The following LMCD1 variants were observed in gnomAD, a reference collection of about 807,000 sequenced individuals.
The protein encoded by LMCD1 is LIM and cysteine-rich domains protein 1.
LMCD1 carries 32 observed loss-of-function variants against 42.7 expected under a neutral mutation model. The observed-to-expected ratio is 0.75, with a 90% CI of 0.57 to 1.01. The LOEUF (loss-of-function observed/expected upper bound fraction) is 1.01, where lower values mean the gene tolerates loss of function less well. Ranked by LOEUF, LMCD1 falls within the 50% of genes least tolerant of loss-of-function variation. The pLI is 0.00. For synonymous variants in LMCD1, 178 were observed against 184.9 expected, an observed-to-expected ratio of 0.96 and a Z score of 0.30; for missense variants, 458 against 483.1, an observed-to-expected ratio of 0.95 and a Z score of 0.49.
intron 5 of LMCD1, among the ~76,000 whole-genome samples, chr3:8,565,969 A>G (rs776214288): frequency 3.3e-5 from 5 of 152,168 alleles, no homozygotes; most frequent in Non-Finnish European, 5.9e-5. Context: ...TGCATCTCTT[A>G]TTATTATTAT....
chr3:8,510,134 A>G (rs1013195217), intron 1 of LMCD1, among the ~76,000 whole-genome samples: 1 of 152,226 alleles, frequency 6.6e-6, no homozygotes, highest in Non-Finnish European at 1.5e-5. Flanking sequence ...TTTGGGCTGT[A>G]TGACTCAGTG....
At position 8,550,771 on chromosome 3, in the gene LMCD1, T is replaced by G. The variant is rs183944402; in HGVS notation, c.723+1868T>G. 8 of 985,240 alleles carry G rather than the reference T, an allele frequency of 8.1e-6. No homozygotes were observed. The African/African-American group carries it at 1.4e-4, about 17-fold the overall frequency. The allele number at this position is 985,240 out of a possible 1,614,324, so 61.0% of individuals were successfully genotyped here. ...ATCCTGGCTTCTGTCCACCCTCAAATAGCTGTTTGTTCATAAACCCTAAAT... is the reference window on the plus strand; with the variant it reads ...ATCCTGGCTTCTGTCCACCCTCAAAGAGCTGTTTGTTCATAAACCCTAAAT... On this transcript the variant is annotated intron_variant, in intron 4 of 5. Transcript: ENST00000157600.
At chr3:8,542,281 C>T (rs1281484925) in intron 3 of LMCD1, among the ~76,000 whole-genome samples, 6 of 152,116 alleles carry the variant, frequency 3.9e-5, no homozygotes, top group African/African-American at 1.4e-4. Context: ...GGATTACAGG[C>T]ATGAACCACC....
At chr3:8,514,091 T>A (rs1694052760) in intron 1 of LMCD1, among the ~76,000 whole-genome samples, 1 of 152,036 alleles carries the variant, frequency 6.6e-6, no homozygotes. Flanking sequence ...TATAGATAGA[T>A]GATTGATAGA....
chr3:8,563,027 C>G (rs1395084666), intron 4 of LMCD1, among the ~76,000 whole-genome samples: 2 of 152,214 alleles, frequency 1.3e-5, no homozygotes, highest in African/African-American at 2.4e-5. Context: ...GCATCATCTG[C>G]TAGTGTCTTC....
chr3:8,543,963 C>T (rs954299216), intron 3 of LMCD1, among the ~76,000 whole-genome samples: 2 of 152,174 alleles, frequency 1.3e-5, no homozygotes, highest in African/African-American at 2.4e-5. Flanking sequence ...ACCAGATACC[C>T]CAGTCTCCTA....
intron 3 of LMCD1, among the ~76,000 whole-genome samples, chr3:8,540,950 T>C (rs1302647553): frequency 1.3e-5 from 2 of 152,138 alleles, no homozygotes; most frequent in African/African-American, 4.8e-5. Flanking sequence ...ATTGACTTCT[T>C]ATCGGCCCTC....
chr3:8,554,156 C>T (rs1440690360), intron 4 of LMCD1, among the ~76,000 whole-genome samples: 7 of 152,296 alleles, frequency 4.6e-5, no homozygotes, highest in African/African-American at 1.2e-4. Context: ...ACCATCCTCC[C>T]GCCTCAACCT....
At chr3:8,533,667 A>G (rs1694457051) in intron 2 of LMCD1, among the ~76,000 whole-genome samples, 1 of 152,186 alleles carries the variant, frequency 6.6e-6, no homozygotes. Context: ...TATGAACTGA[A>G]TGAAATCTTT....
intron 3 of LMCD1, among the ~76,000 whole-genome samples, chr3:8,543,860 T>C (rs1443872509): frequency 2.6e-5 from 4 of 152,248 alleles, no homozygotes; most frequent in East Asian, 3.9e-4. Context: ...GTGATTCTTA[T>C]GCACCCTAAA....
chr3:8,521,327 G>C (rs1349383925), intron 1 of LMCD1, among the ~76,000 whole-genome samples: 1 of 152,172 alleles, frequency 6.6e-6, no homozygotes, highest in Non-Finnish European at 1.5e-5. Flanking sequence ...CACAGATCCA[G>C]TCACCCAGCA....
chr3:8,513,398 C>G (rs1000586507), intron 1 of LMCD1, among the ~76,000 whole-genome samples: 1 of 152,122 alleles, frequency 6.6e-6, no homozygotes, highest in African/African-American at 2.4e-5. Context: ...GGATAATTCC[C>G]TCTCCTGTCC....
At position 8,518,078 on chromosome 3, in the gene LMCD1, C is replaced by G. The variant is rs1237739266; in HGVS notation, c.43-14659C>G. Among the ~76,000 whole-genome samples the G allele has an allele frequency of 3.3e-5, 5 of 151,676 alleles. No individual in the cohort carries two copies. The East Asian group carries it at 9.6e-4, about 29-fold the overall frequency. ...AAAAAAAAAAACAAGGTTCAGAGAA[C>G]AGAAACTATTTGCCAGGGTCCACAC... On this transcript the variant is annotated intron_variant, in intron 1 of 5. Transcript: ENST00000157600.
rs1256601294 is a variant in LMCD1 at position 8,569,575 on chromosome 3, A to G, written c.*1977A>G. 6.6e-6 allele frequency: 1 copy of G among 152,216 alleles called. No individual in the cohort carries two copies. Among genetic ancestry groups the G allele is most frequent in the African/African-American group, 2.4e-5 (1 of 41,456 alleles). 9.4% of individuals were successfully genotyped at this position (152,216 alleles called of 1,614,324 possible). ...CTCAAGCAAATATTCTCACAAGTCA[A>G]TGCAAAATTACACTACTGTGCATGC... is the stretch of plus-strand genomic sequence containing the variant. On this transcript the variant is annotated 3_prime_UTR_variant, in exon 6 of 6. Coordinates refer to ENST00000157600, the MANE Select transcript of LMCD1 (RefSeq NM_014583.4).
intron 4 of LMCD1, among the ~76,000 whole-genome samples, chr3:8,554,286 A>G (rs983788218): frequency 6.6e-6 from 1 of 152,046 alleles, no homozygotes; most frequent in African/African-American, 2.4e-5. Flanking sequence ...TGCTGATGAG[A>G]GCGGGGCTTC....
chr3:8,574,280 C>A lies in LMCD1; in HGVS notation c.*6682C>A, dbSNP rs1278295684. 1.3e-5 allele frequency: 2 copies of A among 152,354 alleles called. No homozygotes were observed. Among genetic ancestry groups the A allele is most frequent in the African/African-American group, 4.8e-5 (2 of 41,450 alleles). The allele number at this position is 152,354 out of a possible 1,614,324, so 9.4% of individuals were successfully genotyped here. On this transcript the variant is annotated 3_prime_UTR_variant, in exon 6 of 6. Transcript: ENST00000157600. ...GGGCAGGGTACTCTGATTGGCAATA[C>A]CTTCATCGTGGGCCAACCACTGTGG...
chr3:8,519,226 G>A (rs966533071), intron 1 of LMCD1, among the ~76,000 whole-genome samples: 8 of 152,108 alleles, frequency 5.3e-5, no homozygotes, highest in African/African-American at 1.9e-4. Context: ...TACAAGGTAC[G>A]GGGTTTTCTA....
intron 1 of LMCD1, among the ~76,000 whole-genome samples, chr3:8,532,184 G>T (rs553548146): frequency 4.1e-4 from 62 of 152,274 alleles, no homozygotes; most frequent in Middle Eastern, 3.4e-3. Context: ...CTCATGCATT[G>T]TTCTCCTTCC....
chr3:8,561,398 T>TC (rs1491187213), intron 4 of LMCD1, among the ~76,000 whole-genome samples: 3 of 140,664 alleles, frequency 2.1e-5, no homozygotes, highest in African/African-American at 8.3e-5. Context: ...TTTTTTTTTT[T>TC]CCAATATAGG....
Sources: gnomAD v4.1 joint callset for allele counts (sites outside exome capture counted in the v4.1 genomes callset) on GRCh38, gnomAD v4.1.1 for gene constraint, MANE v1.5 for transcripts, NCBI Gene and HGNC (gene_info 2026-07-23, HGNC 2026-07-21) for gene names.